Variants in TMEM204 observed in about 807,000 individuals in gnomAD.
TMEM204 encodes the protein claudin-like protein 24.
TMEM204 carries 15 observed loss-of-function variants against 19.4 expected under a neutral mutation model. That is an observed-to-expected ratio of 0.77 (90% confidence interval 0.52 to 1.19). TMEM204 has a LOEUF of 1.19. Among genes scored for constraint, TMEM204 ranks in the 50% most tolerant of loss-of-function variants. The probability of loss-of-function intolerance (pLI) is 0.00; values close to 1 mark genes in which losing one functional copy is unlikely to be tolerated. For synonymous variants in TMEM204, 161 were observed against 146.0 expected (o/e 1.10, Z -0.74); for missense variants, 287 against 321.2 (o/e 0.89, Z 0.81).
rs1343140259 is a variant in TMEM204, at chr16:1,555,158, C to T, written c.*132C>T. On this transcript the variant is annotated 3_prime_UTR_variant, in exon 3 of 3. Coordinates refer to ENST00000566264, the MANE Select transcript of TMEM204 (RefSeq NM_024600.6). Reference sequence around the variant, plus strand: ...GGATGAGTCTGGGTGACCTCTGCGCCATGCGTGCGAGACACGTGTGCGTTT... The same window carrying T: ...GGATGAGTCTGGGTGACCTCTGCGCTATGCGTGCGAGACACGTGTGCGTTT... The T allele has an allele frequency of 8.5e-7, 1 of 1,173,072 alleles. No individual in the cohort carries two copies. The highest frequency in any genetic ancestry group is 2.6e-5 in the Admixed American group (1 of 38,188). The allele number at this position is 1,173,072 out of a possible 1,614,324, so 72.7% of individuals were successfully genotyped here.
rs370718011 is a variant in TMEM204 at position 1,534,291 on chromosome 16, C to G, written c.16C>G (p.Leu6Val). The G allele has an allele frequency of 1.2e-6, 2 of 1,612,314 alleles. No individual in the cohort carries two copies. Among genetic ancestry groups the G allele is most frequent in the Admixed American group, 3.3e-5 (2 of 60,010 alleles). The change falls in exon 1 of 3, where the codon CTC becomes GTC. Residue 6 changes from leucine (L) to valine (V), a missense_variant. Leu to Val is a conservative substitution (Grantham distance 32). Transcript: ENST00000566264. MTVQR[L>V]VAAAVLVALV... Reference sequence around the variant, plus strand: ...GGCGTCAGCGATGACCGTGCAGAGACTCGTGGCCGCGGCCGTGCTGGTGGC... The same window carrying G: ...GGCGTCAGCGATGACCGTGCAGAGAGTCGTGGCCGCGGCCGTGCTGGTGGC...
chr16:1,534,214 G>C lies in TMEM204; in HGVS notation c.-62G>C, dbSNP rs2030812318. 6.3e-7 allele frequency: 1 copy of C among 1,591,144 alleles called. No homozygotes were observed. Among genetic ancestry groups the C allele is most frequent in the African/African-American group, 1.3e-5 (1 of 74,304 alleles). ...CCCCTAGCAGCGTCGGCTCTCCCTG[G>C]ACGTGCGGCCGCGGACTGGGACTTG... On this transcript the variant is annotated 5_prime_UTR_variant, in exon 1 of 3. Transcript: ENST00000566264.
In TMEM204 at chr16:1,554,051, A is replaced by G. The variant is rs114413072; in HGVS notation, c.437-731A>G. ...CTCTGGTTTCAGGCTCTGGAAAGAGAGGGGAAAGCATGGAAGGAAAATCTG... is the reference window on the plus strand; with the variant it reads ...CTCTGGTTTCAGGCTCTGGAAAGAGGGGGGAAAGCATGGAAGGAAAATCTG... On this transcript the variant is annotated intron_variant, in intron 2 of 2. Transcript: ENST00000566264. 1,387 of 1,287,076 alleles carry G rather than the reference A, an allele frequency of 1.1e-3. 11 individuals carry two copies. The African/African-American group carries it at 0.02, about 18-fold the overall frequency. The allele number at this position is 1,287,076 out of a possible 1,614,324, so 79.7% of individuals were successfully genotyped here.
At position 1,534,244 on chromosome 16, in the gene TMEM204, TC is replaced by T; in HGVS notation, c.-31del. 1 of 1,605,934 alleles carries T rather than the reference TC, an allele frequency of 6.2e-7. No homozygotes were observed. ...GCGGCCGCGGACTGGGACTTGGCTT[TC>T]TCCGGATAAGCGGCGGCACCGGCGT... On this transcript the variant is annotated 5_prime_UTR_variant, in exon 1 of 3. Transcript: ENST00000566264.
At chr16:1,532,329 C>G (rs1264324600), upstream of TMEM204, 2 of 152,322 alleles carry the variant, frequency 1.3e-5, no homozygotes, top group Non-Finnish European at 2.9e-5. Flanking sequence ...CGGGGAAAAT[C>G]CCCCCCAGGC....
rs2667664 is a variant in TMEM204 at position 1,551,457 on chromosome 16, A to G, written c.437-3325A>G. ...GGCCACTGGGCCCCAGGGTGGCAGA[A>G]GGGCGGCCGCAGGTAGCAGGGGAGA... is the stretch of plus-strand genomic sequence containing the variant. On this transcript the variant is annotated intron_variant, in intron 2 of 2. Coordinates refer to ENST00000566264, the MANE Select transcript of TMEM204 (RefSeq NM_024600.6). The surrounding 1 kb of genome is among the most constrained non-coding windows in gnomAD (Gnocchi z 4.0). Among the ~76,000 whole-genome samples the G allele has an allele frequency of 1, 152,284 of 152,286 alleles. 76,141 individuals are homozygous for G. The highest frequency in any genetic ancestry group is 1 in the Middle Eastern group (294 of 294).
intron 1 of TMEM204, chr16:1,541,264 C>T (rs912581848): frequency 1.2e-5 from 12 of 985,222 alleles, no homozygotes; most frequent in Admixed American, 6.1e-5. Context: ...GATGGGGTGA[C>T]GGGGCCCCAG....
chr16:1,555,245 T>C lies in TMEM204; in HGVS notation c.*219T>C. 1 of 592,760 alleles carries C rather than the reference T, an allele frequency of 1.7e-6. No homozygotes were observed. Among genetic ancestry groups the C allele is most frequent in the Non-Finnish European group, 2.9e-6 (1 of 345,698 alleles). The allele number at this position is 592,760 out of a possible 1,614,324, so 36.7% of individuals were successfully genotyped here. ...GCCAACCTCGTTCTGCCTCCAGCTT[T>C]CCTGGTTAGCGCAACGCGGCTCCAC... On this transcript the variant is annotated 3_prime_UTR_variant, in exon 3 of 3. Coordinates refer to ENST00000566264, the MANE Select transcript of TMEM204 (RefSeq NM_024600.6).
Position 1,553,206 on chromosome 16 carries a change from C to T in TMEM204, c.437-1576C>T. 6 of 979,604 alleles carry T rather than the reference C, an allele frequency of 6.1e-6. No individual in the cohort carries two copies. The highest frequency in any genetic ancestry group is 7.3e-6 in the Non-Finnish European group (6 of 824,672). 60.7% of individuals were successfully genotyped at this position (979,604 alleles called of 1,614,324 possible). On this transcript the variant is annotated intron_variant, in intron 2 of 2. Coordinates refer to ENST00000566264, the MANE Select transcript of TMEM204 (RefSeq NM_024600.6). The surrounding 1 kb of genome is among the most constrained non-coding windows in gnomAD (Gnocchi z 4.4). ...TGTCTCTCCTTCCCTGTGTCTCTGT[C>T]TCTGTCTCTCTCTGTCTCCATCTGT...
chr16:1,546,282 GGGA>G (rs1364317747), intron 2 of TMEM204, among the ~76,000 whole-genome samples: 1 of 152,202 alleles, frequency 6.6e-6, no homozygotes, highest in East Asian at 1.9e-4. Flanking sequence ...AGCCTAGGCC[GGGA>G]GGCTCCCTGG....
At chr16:1,549,538 T>G (rs1332113564) in intron 2 of TMEM204, among the ~76,000 whole-genome samples, 1 of 152,138 alleles carries the variant, frequency 6.6e-6, no homozygotes, top group African/African-American at 2.4e-5. Flanking sequence ...TTCAAGAAAT[T>G]CTCCTGCCTC....
chr16:1,536,676 T>G (rs565351854), intron 1 of TMEM204, among the ~76,000 whole-genome samples: 2 of 152,176 alleles, frequency 1.3e-5, no homozygotes, highest in East Asian at 3.9e-4. Flanking sequence ...AGCCACCACA[T>G]CCCCCAAGGC....
intron 1 of TMEM204, among the ~76,000 whole-genome samples, chr16:1,539,800 C>T (rs2031454878): frequency 6.6e-6 from 1 of 152,222 alleles, no homozygotes; most frequent in Non-Finnish European, 1.5e-5. Context: ...CCGCTCTCCC[C>T]CTTGCCAGCG....
chr16:1,540,616 G>A (rs1015340754), intron 1 of TMEM204, among the ~76,000 whole-genome samples: 12 of 152,202 alleles, frequency 7.9e-5, no homozygotes, highest in African/African-American at 2.4e-4. Context: ...TGATGAATGC[G>A]GGCACAGGGA....
chr16:1,545,885 C>T (rs150985806), intron 2 of TMEM204, among the ~76,000 whole-genome samples: 5 of 152,348 alleles, frequency 3.3e-5, no homozygotes, highest in African/African-American at 9.6e-5. Flanking sequence ...CCACCCTCCT[C>T]GCCCCTCAAG....
chr16:1,543,787 G>A (rs1567351082), intron 2 of TMEM204, among the ~76,000 whole-genome samples: 1 of 152,140 alleles, frequency 6.6e-6, no homozygotes, highest in Non-Finnish European at 1.5e-5. Context: ...CTGACCCGAG[G>A]GCCATAAAAC....
chr16:1,537,648 T>C (rs1252433018), intron 1 of TMEM204, among the ~76,000 whole-genome samples: 2 of 152,196 alleles, frequency 1.3e-5, no homozygotes, highest in Non-Finnish European at 2.9e-5. Flanking sequence ...TCACATGCCA[T>C]GTCCAGAGGG....
At chr16:1,547,573 G>T (rs1386458106) in intron 2 of TMEM204, among the ~76,000 whole-genome samples, 1 of 152,112 alleles carries the variant, frequency 6.6e-6, no homozygotes, top group African/African-American at 2.4e-5. Context: ...GTCTCACTCC[G>T]ATACCCAGCC....
chr16:1,542,325 C>T (rs1041007089), intron 2 of TMEM204, among the ~76,000 whole-genome samples: 1 of 152,274 alleles, frequency 6.6e-6, no homozygotes, highest in African/African-American at 2.4e-5. Flanking sequence ...GTGTCTGTCA[C>T]ACCCTTTTCC....
Sources: allele counts gnomAD v4.1 joint callset (sites outside exome capture counted in the v4.1 genomes callset), GRCh38; gene constraint gnomAD v4.1.1; non-coding constraint Gnocchi (gnomAD v3.1); transcripts MANE v1.5; gene names NCBI Gene and HGNC (gene_info 2026-07-23, HGNC 2026-07-21).